The following MCTP1 variants were observed in gnomAD, a reference collection of about 807,000 sequenced individuals.
MCTP1 encodes multiple C2 and transmembrane domain containing 1, also known as multiple C2 and transmembrane domain-containing protein 1.
In MCTP1, 69 loss-of-function variants were observed where a neutral mutation model predicts 120.6. The ratio of observed to expected loss-of-function variants is 0.57; its 90% confidence interval spans 0.47 to 0.70. The LOEUF (loss-of-function observed/expected upper bound fraction) is 0.70, where lower values mean the gene tolerates loss of function less well. Ranked by LOEUF, MCTP1 falls within the 30% of genes least tolerant of loss-of-function variation. The probability of loss-of-function intolerance (pLI) is 0.00; values close to 1 mark genes in which losing one functional copy is unlikely to be tolerated. For missense variants in MCTP1, 1,203 were observed against 1,248.8 expected (o/e 0.96, Z 0.55); for synonymous variants, 529 against 493.1 (o/e 1.07, Z -0.96).
intron 17 of MCTP1, among the ~76,000 whole-genome samples, chr5:94,861,481 G>T (rs1169528570): frequency 6.6e-6 from 1 of 151,740 alleles, no homozygotes; most frequent in Non-Finnish European, 1.5e-5. Context: ...AATGACTAAA[G>T]CATATTAATG....
At chr5:94,795,108 G>A (rs1045609275) in intron 18 of MCTP1, among the ~76,000 whole-genome samples, 1 of 152,264 alleles carries the variant, frequency 6.6e-6, no homozygotes, top group Non-Finnish European at 1.5e-5. Context: ...CTTACAGGGT[G>A]TGCAATAGAC....
chr5:95,053,976 T>C (rs965044083), intron 1 of MCTP1, among the ~76,000 whole-genome samples: 1 of 152,252 alleles, frequency 6.6e-6, no homozygotes, highest in Admixed American at 6.5e-5. Flanking sequence ...AAGATTAACC[T>C]TGGGCTTTTG....
Position 94,873,230 on chromosome 5 carries a change from G to T in MCTP1, c.1945C>A (p.Pro649Thr), listed in dbSNP as rs1298238179. ...MAADVTGKSD[P>T]FCVVELNNDR... ...TTGTTCAGTTCTACCACACAAAATG[G>T]GTCACTTTTTCCTACAAGAGATTTT... The change falls in exon 13 of 23, where the codon CCA (proline) becomes ACA (threonine). Residue 649 changes from proline to threonine, a missense_variant. By Grantham distance (38) the Pro-to-Thr change is conservative (BLOSUM62 -1). This residue lies in a region of MCTP1 where 740 missense variants were observed against 871.1 expected (regional missense o/e 0.85). Coordinates refer to ENST00000515393, the MANE Select transcript of MCTP1 (RefSeq NM_024717.7). 1.9e-6 allele frequency: 3 copies of T among 1,601,106 alleles called. No individual in the cohort carries two copies. The highest frequency in any genetic ancestry group is 2.6e-6 in the Non-Finnish European group (3 of 1,169,304).
chr5:94,812,748 G>C (rs889093870), intron 17 of MCTP1, among the ~76,000 whole-genome samples: 1 of 149,960 alleles, frequency 6.7e-6, no homozygotes, highest in Non-Finnish European at 1.5e-5. Flanking sequence ...ACTCCAGCCT[G>C]AGCAACACAG....
intron 1 of MCTP1, among the ~76,000 whole-genome samples, chr5:95,220,088 T>C (rs975222517): frequency 4.6e-5 from 7 of 152,302 alleles, no homozygotes; most frequent in Admixed American, 2.0e-4. Context: ...ATAGATGACA[T>C]TTAATTTCTG....
chr5:94,847,646 C>CTGTGTGTGTGTGTG (rs70978134), intron 17 of MCTP1, among the ~76,000 whole-genome samples: 22 of 115,710 alleles, frequency 1.9e-4, no homozygotes, highest in Non-Finnish European at 3.1e-4. Context: ...AAGCAGCAAT[C>CTGTGTGTGTGTGTG]TGTGTGTGTG....
chr5:94,927,374 G>T (rs1561871577), intron 6 of MCTP1, among the ~76,000 whole-genome samples: 1 of 152,068 alleles, frequency 6.6e-6, no homozygotes, highest in African/African-American at 2.4e-5. Flanking sequence ...ACAGATTTGG[G>T]AGTACAGACA....
intron 1 of MCTP1, among the ~76,000 whole-genome samples, chr5:95,120,192 A>AG (rs1175442386): frequency 1.3e-5 from 2 of 150,682 alleles, no homozygotes; most frequent in Non-Finnish European, 3.0e-5. Context: ...AAAAAAAAAA[A>AG]AGTCTCCCAG....
intron 22 of MCTP1, among the ~76,000 whole-genome samples, chr5:94,707,973 TA>T (rs34524369): frequency 7.2e-4 from 102 of 142,228 alleles, no homozygotes; most frequent in Admixed American, 1.3e-3. Flanking sequence ...CTTCAGGATT[TA>T]AAAAAAAAAA....
intron 19 of MCTP1, among the ~76,000 whole-genome samples, chr5:94,717,631 T>C (rs1387737496): frequency 6.6e-6 from 1 of 152,084 alleles, no homozygotes; most frequent in African/African-American, 2.4e-5. Context: ...CCCTATTGTC[T>C]CAATCCTAAA....
At chr5:94,830,896 C>G (rs980888454) in intron 17 of MCTP1, among the ~76,000 whole-genome samples, 1 of 152,150 alleles carries the variant, frequency 6.6e-6, no homozygotes, top group Non-Finnish European at 1.5e-5. Flanking sequence ...AATTCTACCA[C>G]CCAGTAATTG....
At chr5:95,098,121 A>C (rs1756413650) in intron 1 of MCTP1, among the ~76,000 whole-genome samples, 1 of 152,188 alleles carries the variant, frequency 6.6e-6, no homozygotes, top group South Asian at 2.1e-4. Flanking sequence ...TTTTAAAATA[A>C]TATAATAAAT....
At chr5:95,002,394 CCA>C (rs1335914926) in intron 2 of MCTP1, among the ~76,000 whole-genome samples, 1 of 152,152 alleles carries the variant, frequency 6.6e-6, no homozygotes, top group Non-Finnish European at 1.5e-5. Context: ...CCTGGAAAAG[CCA>C]CAGACACTCG....
intron 1 of MCTP1, among the ~76,000 whole-genome samples, chr5:95,030,785 C>T (rs59655038): frequency 0.013 from 2,054 of 152,210 alleles, 49 homozygotes; most frequent in African/African-American, 0.048. Flanking sequence ...TTTTAAAGGA[C>T]TACTCTCACT....
chr5:94,724,747 C>A (rs534203274), intron 19 of MCTP1, among the ~76,000 whole-genome samples: 2 of 151,974 alleles, frequency 1.3e-5, no homozygotes, highest in African/African-American at 4.8e-5. Flanking sequence ...TTAAAAGAAC[C>A]TTATCAATAT....
intron 7 of MCTP1, among the ~76,000 whole-genome samples, chr5:94,919,649 C>G (rs1380201623): frequency 2.0e-5 from 3 of 152,122 alleles, no homozygotes; most frequent in Non-Finnish European, 4.4e-5. Context: ...AAATGATCCC[C>G]GAGACACTAC....
At chr5:95,202,902 T>C (rs903589146) in intron 1 of MCTP1, among the ~76,000 whole-genome samples, 8 of 152,094 alleles carry the variant, frequency 5.3e-5, no homozygotes, top group Non-Finnish European at 1.0e-4. Flanking sequence ...TAATTTTTTG[T>C]ATTTTTGGTA....
intron 17 of MCTP1, among the ~76,000 whole-genome samples, chr5:94,813,881 GAC>G (rs1783945318): frequency 6.6e-6 from 1 of 152,162 alleles, no homozygotes; most frequent in African/African-American, 2.4e-5. Context: ...AGACACTACT[GAC>G]ACATTCTACA....
chr5:95,123,622 A>G (rs1041022450), intron 1 of MCTP1, among the ~76,000 whole-genome samples: 1 of 151,008 alleles, frequency 6.6e-6, no homozygotes, highest in African/African-American at 2.4e-5. Flanking sequence ...TGGGTTTCTA[A>G]GAAAGTATTT....
Sources: allele counts gnomAD v4.1 joint callset (sites outside exome capture counted in the v4.1 genomes callset), GRCh38; gene constraint gnomAD v4.1.1; regional missense constraint gnomAD v4.1.1; transcripts MANE v1.5; gene names NCBI Gene and HGNC (gene_info 2026-07-23, HGNC 2026-07-21).